Variants in RGPD4 observed in about 807,000 individuals in gnomAD.
RGPD4 encodes the protein RANBP2 like and GRIP domain containing 4.
A neutral mutation model predicts 141.1 loss-of-function variants in RGPD4; 84 were observed. The ratio of observed to expected loss-of-function variants is 0.60; its 90% CI spans 0.50 to 0.71. The LOEUF (loss-of-function observed/expected upper bound fraction) is 0.71, where lower values mean the gene tolerates loss of function less well. RGPD4 is among the 30% of genes least tolerant of loss of function. RGPD4 has a pLI of 0.00. For synonymous variants in RGPD4, 298 were observed against 566.8 expected, an observed-to-expected ratio of 0.53 and a Z score of 6.74; for missense variants, 918 against 1,622.4, an observed-to-expected ratio of 0.57 and a Z score of 7.46.
chr2:107,871,078 A>C lies in RGPD4; in HGVS notation c.3074A>C (p.Asp1025Ala), dbSNP rs1408654879. ...ACTTCCGGTGACTTTGAGAAAGATG[A>C]TGATGCCTATAAGACTGAGGACAGC... ...ANTSGDFEKD[D>A]DAYKTEDSDD... Residue 1025 changes from aspartate to alanine, a missense_variant, in exon 20 of 23, where the codon GAT becomes GCT. Transcript: ENST00000408999. 6.2e-7 allele frequency: 1 copy of C among 1,611,246 alleles called. No individual in the cohort carries two copies. Among genetic ancestry groups the C allele is most frequent in the Non-Finnish European group, 8.5e-7 (1 of 1,179,832 alleles).
chr2:107,829,305 C>T (rs1441559976), intron 1 of RGPD4, among the ~76,000 whole-genome samples: 1 of 40,880 alleles, frequency 2.4e-5, no homozygotes, highest in Non-Finnish European at 5.6e-5. Flanking sequence ...ATGGCTCAGG[C>T]GTCATGGCTC....
chr2:107,883,343 G>A (rs1262498695), intron 22 of RGPD4: 1 of 333,004 alleles, frequency 3.0e-6, no homozygotes, highest in Non-Finnish European at 6.0e-6. Context: ...TTAAAACTGT[G>A]CCATAGGCCA....
Position 107,859,536 on chromosome 2 carries a change from T to A in RGPD4, c.1616T>A (p.Leu539Gln), listed in dbSNP as rs754530722. The A allele has an allele frequency of 6.2e-7, 1 of 1,611,352 alleles. No individual in the cohort carries two copies. The highest frequency in any genetic ancestry group is 2.2e-5 in the East Asian group (1 of 44,884). ...QKSWWDAVCT[L>Q]IHRKAVPGNS... ...TCTTGGTGGGATGCGGTTTGTACTC[T>A]GATTCACAGAAAAGCAGTGTAAGTA... Residue 539 changes from leucine (L) to glutamine (Q), a missense_variant, in exon 11 of 23, where the codon CTG becomes CAG. Leu to Gln is a moderately radical substitution (Grantham distance 113). Coordinates refer to ENST00000408999, the MANE Select transcript of RGPD4 (RefSeq NM_182588.3).
intron 22 of RGPD4, among the ~76,000 whole-genome samples, chr2:107,884,982 G>A (rs1034784773): frequency 1.3e-5 from 2 of 151,510 alleles, no homozygotes; most frequent in African/African-American, 4.9e-5. Flanking sequence ...TTTGAATCTG[G>A]TTTTTTATAA....
chr2:107,865,570 C>T (rs1265668799), intron 17 of RGPD4, among the ~76,000 whole-genome samples: 8 of 151,298 alleles, frequency 5.3e-5, no homozygotes, highest in African/African-American at 1.2e-4. Context: ...TGGAGGTGAA[C>T]GTCAGAAAGG....
chr2:107,857,539 T>G (rs1682367812), intron 9 of RGPD4, among the ~76,000 whole-genome samples: 1 of 151,114 alleles, frequency 6.6e-6, no homozygotes, highest in South Asian at 2.1e-4. Flanking sequence ...CTCAAGGGAT[T>G]CTCTTGCCTC....
In RGPD4 at chr2:107,862,920, C is replaced by A. The variant is rs552029147; in HGVS notation, c.2386-29C>A. The A allele has an allele frequency of 2.1e-5, 34 of 1,607,896 alleles. 1 individual carries two copies. In the East Asian group the frequency reaches 6.2e-4, roughly 30 times the overall value. ...AAATTGTTTCTAAGTGTTTTAAATG[C>A]TCTTTTGTGATTTTTATTTTTTTTT... On this transcript the variant is annotated intron_variant, in intron 16 of 22. Coordinates refer to ENST00000408999, the MANE Select transcript of RGPD4 (RefSeq NM_182588.3).
intron 1 of RGPD4, among the ~76,000 whole-genome samples, chr2:107,829,844 C>A (rs1165043628): frequency 6.6e-6 from 1 of 152,056 alleles, no homozygotes; most frequent in Non-Finnish European, 1.5e-5. Flanking sequence ...GGGGCTTAGG[C>A]ACCCGGGTGC....
chr2:107,881,854 C>G (rs1675375531), intron 21 of RGPD4, among the ~76,000 whole-genome samples: 1 of 151,546 alleles, frequency 6.6e-6, no homozygotes, highest in African/African-American at 2.4e-5. Context: ...TAGTGTTTTA[C>G]ATTGTCTTAT....
intron 20 of RGPD4, among the ~76,000 whole-genome samples, chr2:107,876,476 C>T (rs1474869245): frequency 1.3e-5 from 2 of 151,592 alleles, no homozygotes; most frequent in African/African-American, 2.4e-5. Flanking sequence ...TAAATAGAAA[C>T]ATTAGCTAGA....
rs528576795 is a variant in RGPD4 at position 107,827,050 on chromosome 2, G to A, written c.37G>A (p.Ala13Thr). ...CAAGGCCTACGGGGAGCGGTACGTC[G>A]CCTCCGTGCAGGGCTCCGCCCCGTC... ...CSKAYGERYV[A>T]SVQGSAPSPR... is the part of the protein sequence containing the mutation. Residue 13 changes from alanine (A) to threonine (T), a missense_variant, in exon 1 of 23, where the codon GCC (alanine) becomes ACC (threonine). Transcript: ENST00000408999. 33 of 1,597,870 alleles carry A rather than the reference G, an allele frequency of 2.1e-5. No individual in the cohort carries two copies. The highest frequency in any genetic ancestry group is 2.1e-5 in the Non-Finnish European group (25 of 1,173,684).
chr2:107,890,815 T>G lies in RGPD4; in HGVS notation c.*84T>G, dbSNP rs1297484324. Reference sequence around the variant, plus strand: ...AGGTTGATGGAAGGAATATTTTTATTAACCAAATAAAATCTATTTACAAAA... The same window carrying G: ...AGGTTGATGGAAGGAATATTTTTATGAACCAAATAAAATCTATTTACAAAA... On this transcript the variant is annotated 3_prime_UTR_variant, in exon 23 of 23. Transcript: ENST00000408999. 4.5e-6 allele frequency: 7 copies of G among 1,566,208 alleles called. No individual in the cohort carries two copies. Among genetic ancestry groups the G allele is most frequent in the Non-Finnish European group, 6.1e-6 (7 of 1,150,282 alleles).
chr2:107,871,987 A>AAG lies in RGPD4; in HGVS notation c.3991_3992dup (p.Asp1331GlufsTer15). ...GAAGAATCTGATGTTACTCAAGAAG[A>AAG]AGAGAGAGATGGACAGTACTTTGAA... On this transcript the variant is annotated frameshift_variant, in exon 20 of 23. Transcript: ENST00000408999. LOFTEE classifies it high-confidence loss of function. The AAG allele has an allele frequency of 6.2e-7, 1 of 1,611,508 alleles. No homozygotes were observed. The highest frequency in any genetic ancestry group is 8.5e-7 in the Non-Finnish European group (1 of 1,179,810).
chr2:107,883,237 T>A (rs1675419090), intron 22 of RGPD4: 1 of 438,722 alleles, frequency 2.3e-6, no homozygotes, highest in Admixed American at 2.5e-5. Flanking sequence ...TTCACCCCTC[T>A]TCCTTCCTCC....
intron 22 of RGPD4, among the ~76,000 whole-genome samples, chr2:107,884,762 T>C (rs1430273616): frequency 6.7e-6 from 1 of 149,940 alleles, no homozygotes; most frequent in Non-Finnish European, 1.5e-5. Context: ...ATCCTCAAAA[T>C]TGAGCAGGCA....
chr2:107,845,052 T>C (rs1573476725), intron 6 of RGPD4, among the ~76,000 whole-genome samples: 1 of 144,780 alleles, frequency 6.9e-6, no homozygotes, highest in South Asian at 2.2e-4. Context: ...CAATCTCTCT[T>C]TTTTTTTTTG....
intron 9 of RGPD4, among the ~76,000 whole-genome samples, chr2:107,857,984 G>A (rs566447254): frequency 2.0e-4 from 31 of 152,014 alleles, no homozygotes; most frequent in Admixed American, 3.9e-4. Flanking sequence ...GCGAGACTTC[G>A]TCTCAAAAAC....
intron 20 of RGPD4, among the ~76,000 whole-genome samples, chr2:107,878,662 T>G (rs1683163054): frequency 8.7e-6 from 1 of 114,768 alleles, no homozygotes. Flanking sequence ...GTTGGATGGA[T>G]GGATGAGATG....
At chr2:107,886,158 T>G (rs1191847366) in intron 22 of RGPD4, among the ~76,000 whole-genome samples, 1 of 141,382 alleles carries the variant, frequency 7.1e-6, no homozygotes, top group Admixed American at 7.1e-5. Flanking sequence ...ATCAAACATG[T>G]TTTTACTAAT....
Sources: gnomAD v4.1 joint callset for allele counts (sites outside exome capture counted in the v4.1 genomes callset) on GRCh38, gnomAD v4.1.1 for gene constraint, MANE v1.5 for transcripts, NCBI Gene and HGNC (gene_info 2026-07-23, HGNC 2026-07-21) for gene names.